ACACB: variants seen among roughly 807,000 people sequenced by gnomAD.
The protein encoded by ACACB is acetyl-CoA carboxylase beta.
A neutral mutation model predicts 278.8 loss-of-function variants in ACACB; 209 were observed. The observed-to-expected ratio is 0.75, with a 90% CI of 0.67 to 0.84. The LOEUF (loss-of-function observed/expected upper bound fraction) is 0.84, where lower values mean the gene tolerates loss of function less well. ACACB is among the 40% of genes least tolerant of loss of function. The pLI is 0.00. For missense variants in ACACB, 2,850 were observed against 3,269.0 expected (o/e 0.87, Z 3.13); for synonymous variants, 1,174 against 1,285.6 (o/e 0.91, Z 1.86).
chr12:109,171,929 G>T lies in ACACB; in HGVS notation c.1035+15G>T. 6.3e-7 allele frequency: 1 copy of T among 1,597,144 alleles called. No homozygotes were observed. The highest frequency in any genetic ancestry group is 8.6e-7 in the Non-Finnish European group (1 of 1,164,538). ...TCCCCGTGCAGGTAGATGGACTGGG[G>T]TGCCCAAGTGTGGCCCCTGAGTGTG... On this transcript the variant is annotated intron_variant, in intron 5 of 52. Coordinates refer to ENST00000338432, the MANE Select transcript of ACACB (RefSeq NM_001093.4).
intron 2 of ACACB, among the ~76,000 whole-genome samples, chr12:109,148,121 T>A (rs1460940097): frequency 6.6e-6 from 1 of 152,204 alleles, no homozygotes; most frequent in Non-Finnish European, 1.5e-5. Context: ...CCCTTTGGGT[T>A]GATCTCAGGG....
intron 13 of ACACB, among the ~76,000 whole-genome samples, chr12:109,190,316 GACCTCAAGTGATCC>G (rs1364044592): frequency 6.6e-6 from 1 of 152,144 alleles, no homozygotes; most frequent in Non-Finnish European, 1.5e-5. Context: ...TCGAACTCCT[GACCTCAAGTGATCC>G]ACCCGCCTTG....
At chr12:109,141,377 G>A (rs2043120886) in intron 2 of ACACB, among the ~76,000 whole-genome samples, 1 of 152,200 alleles carries the variant, frequency 6.6e-6, no homozygotes, top group African/African-American at 2.4e-5. Context: ...CAGTGGCTTT[G>A]TTGTTGATGT....
At chr12:109,136,046 C>T (rs987600762) in intron 1 of ACACB, among the ~76,000 whole-genome samples, 5 of 151,990 alleles carry the variant, frequency 3.3e-5, no homozygotes, top group African/African-American at 9.7e-5. Context: ...CTCCTGACCT[C>T]GTGATCCACC....
rs948268785 is a variant in ACACB at position 109,246,115 on chromosome 12, A to G, written c.5302-64A>G. ...TAAAAAAAATAATAATAACTAAAATAAAATAAAAAGTTTTCCCCCAAAGAA... is the reference window on the plus strand; with the variant it reads ...TAAAAAAAATAATAATAACTAAAATGAAATAAAAAGTTTTCCCCCAAAGAA... On this transcript the variant is annotated intron_variant, in intron 38 of 52. Coordinates refer to ENST00000338432, the MANE Select transcript of ACACB (RefSeq NM_001093.4). The G allele has an allele frequency of 6.6e-6, 10 of 1,521,176 alleles. 1 individual carries two copies. The highest frequency in any genetic ancestry group is 2.1e-5 in the Admixed American group (1 of 46,930). 94.2% of individuals were successfully genotyped at this position (1,521,176 alleles called of 1,614,324 possible).
At chr12:109,138,595 C>T (rs1462210266) in intron 1 of ACACB, among the ~76,000 whole-genome samples, 1 of 151,694 alleles carries the variant, frequency 6.6e-6, no homozygotes, top group Non-Finnish European at 1.5e-5. Flanking sequence ...ACAGCTTTGG[C>T]TGGGCGCGGT....
intron 21 of ACACB, among the ~76,000 whole-genome samples, chr12:109,209,936 C>CACACGTGTGTGTATATATGTGT (rs1565925287): frequency 5.6e-5 from 4 of 70,836 alleles, no homozygotes; most frequent in Non-Finnish European, 1.2e-4. Flanking sequence ...TGTATACACA[C>CACACGTGTGTGTATATATGTGT]ATACACACAC....
chr12:109,119,205 A>G (rs246084), intron 1 of ACACB, among the ~76,000 whole-genome samples: 84,310 of 151,980 alleles, frequency 0.55, 24,927 homozygotes, highest in African/African-American at 0.75. Context: ...CCTCCACCCA[A>G]GTCTGCTGTA....
chr12:109,203,655 G>A (rs767723924), intron 19 of ACACB, among the ~76,000 whole-genome samples: 7 of 152,224 alleles, frequency 4.6e-5, no homozygotes, highest in Non-Finnish European at 8.8e-5. Flanking sequence ...GGCAGGTGCC[G>A]GGGGCGTCCC....
In ACACB at chr12:109,199,465, G is replaced by A; in HGVS notation, c.2691G>A (p.Leu897=). Residue 897 remains leucine, a synonymous_variant, in exon 18 of 53, where the codon CTG becomes CTA. Transcript: ENST00000338432. The stretch of plus-strand genomic sequence containing the variant: ...AGAAGGAGAACGATCCTACAGTCCT[G>A]AGATCCCCCTCGGCTGGGAAGCTGA... The part of the protein sequence containing the change: ...VFEKENDPTV[L]RSPSAGKLTQ... 1.3e-6 allele frequency: 2 copies of A among 1,566,808 alleles called. No individual in the cohort carries two copies. The highest frequency in any genetic ancestry group is 1.7e-6 in the Non-Finnish European group (2 of 1,156,714).
At chr12:109,184,192 A>T (rs2044575584) in intron 11 of ACACB, among the ~76,000 whole-genome samples, 1 of 151,962 alleles carries the variant, frequency 6.6e-6, no homozygotes, top group African/African-American at 2.4e-5. Context: ...AGCTGGGATT[A>T]TAGGTGCCTG....
rs760586285 is a variant in ACACB, at chr12:109,179,101, T to C, written c.1451T>C (p.Ile484Thr). The C allele has an allele frequency of 1.9e-6, 3 of 1,613,006 alleles. No homozygotes were observed. Among genetic ancestry groups the C allele is most frequent in the Admixed American group, 3.3e-5 (2 of 59,902 alleles). Residue 484 changes from isoleucine (I) to threonine (T), a missense_variant, in exon 10 of 53, where the codon ATC becomes ACC. Physicochemically the swap from Ile to Thr is moderately conservative, Grantham distance 89. Around this residue, in one of 3 missense-constraint regions of ACACB, gnomAD observed 2,265 missense variants for 2,561.3 expected, o/e 0.88. Transcript: ENST00000338432. ...PILFRQVQSE[I>T]PGSPIFLMKL... ...TTCCCCCGACAGGTACAGAGTGAGA[T>C]CCCAGGCTCGCCCATCTTTCTCATG...
At chr12:109,148,052 A>G (rs1284360936) in intron 2 of ACACB, among the ~76,000 whole-genome samples, 3 of 152,120 alleles carry the variant, frequency 2.0e-5, no homozygotes, top group Admixed American at 2.0e-4. Flanking sequence ...CCAGCTGGCA[A>G]GGGCTGGCTG....
intron 26 of ACACB, 130 bp downstream of exon 26, chr12:109,223,042 C>T (rs2046220274): frequency 5.4e-6 from 4 of 743,074 alleles, no homozygotes; most frequent in South Asian, 5.0e-5. Context: ...CAGATGCAGA[C>T]AGTTCAGCCC....
intron 1 of ACACB, among the ~76,000 whole-genome samples, chr12:109,124,924 C>G (rs1433368310): frequency 6.6e-6 from 1 of 152,128 alleles, no homozygotes; most frequent in Non-Finnish European, 1.5e-5. Context: ...CTACATTGCC[C>G]AGGCTGGTCT....
chr12:109,255,388 C>T (rs1410106027), intron 44 of ACACB, among the ~76,000 whole-genome samples: 1 of 152,212 alleles, frequency 6.6e-6, no homozygotes, highest in Non-Finnish European at 1.5e-5. Flanking sequence ...GCAAGGAGTC[C>T]TGTGGCTTCC....
intron 4 of ACACB, among the ~76,000 whole-genome samples, chr12:109,169,910 G>A (rs926805754): frequency 3.9e-5 from 6 of 152,310 alleles, no homozygotes; most frequent in South Asian, 2.1e-4. Context: ...CAGGCAGGCC[G>A]GAAGGAGCAG....
chr12:109,166,666 A>AAAAAAAC (rs1565880046), intron 2 of ACACB, among the ~76,000 whole-genome samples, 195 bp from the exon 3 acceptor site: 2 of 144,262 alleles, frequency 1.4e-5, no homozygotes, highest in Non-Finnish European at 3.1e-5. Flanking sequence ...AAAAAAAAAA[A>AAAAAAAC]AAAAAAAAAA....
intron 4 of ACACB, among the ~76,000 whole-genome samples, chr12:109,169,096 G>C (rs1372127798): frequency 1.5e-5 from 2 of 133,380 alleles, no homozygotes; most frequent in Non-Finnish European, 3.1e-5. Flanking sequence ...AGTAGGCTGA[G>C]ATCACTCCAC....
Sources: gnomAD v4.1 joint callset for allele counts (sites outside exome capture counted in the v4.1 genomes callset) on GRCh38, gnomAD v4.1.1 for gene constraint, gnomAD v4.1.1 regional missense constraint, MANE v1.5 for transcripts, NCBI Gene and HGNC (gene_info 2026-07-23, HGNC 2026-07-21) for gene names.